The following RBFOX1 variants were observed in gnomAD, a reference collection of about 807,000 sequenced individuals.
The protein encoded by RBFOX1 is RNA binding fox-1 homolog 1, also known as RNA binding protein fox-1 homolog 1.
Under a neutral mutation model 57.7 loss-of-function variants are expected in RBFOX1, and 8 were observed. The ratio of observed to expected loss-of-function variants is 0.14; its 90% CI spans 0.08 to 0.25. The LOEUF (loss-of-function observed/expected upper bound fraction) is 0.25. RBFOX1 is among the 10% of genes least tolerant of loss of function. The pLI, the probability that RBFOX1 is intolerant of heterozygous loss-of-function variation, is 1.00. For synonymous variants in RBFOX1, 326 were observed against 222.4 expected (o/e 1.47, Z -4.15); for missense variants, 611 against 548.5 (o/e 1.11, Z -1.14).
At chr16:6,376,745 G>A (rs914468344) in intron 2 of RBFOX1, among the ~76,000 whole-genome samples, 10 of 152,192 alleles carry the variant, frequency 6.6e-5, no homozygotes, top group African/African-American at 2.2e-4. Flanking sequence ...CTACAGAAAT[G>A]TGTTTTCTTA....
chr16:7,179,631 C>T (rs1417915896), intron 4 of RBFOX1, among the ~76,000 whole-genome samples: 2 of 151,998 alleles, frequency 1.3e-5, no homozygotes, highest in Non-Finnish European at 2.9e-5. Flanking sequence ...AAGCTGACCA[C>T]ATAGGGGGAG....
chr16:5,784,281 G>C (rs1214976700), intron 3 of RBFOX1, among the ~76,000 whole-genome samples: 1 of 152,180 alleles, frequency 6.6e-6, no homozygotes, highest in African/African-American at 2.4e-5. Context: ...AACAAAATTA[G>C]CTGGGCGTGG....
intron 4 of RBFOX1, among the ~76,000 whole-genome samples, chr16:7,118,038 G>T (rs1195646461): frequency 6.6e-6 from 1 of 152,180 alleles, no homozygotes; most frequent in East Asian, 1.9e-4. Context: ...CATTAAGCAT[G>T]CACATGCAGG....
intron 2 of RBFOX1, among the ~76,000 whole-genome samples, chr16:5,484,150 A>C (rs11646618): frequency 0.35 from 52,994 of 152,104 alleles, 9,435 homozygotes; most frequent in Middle Eastern, 0.48. Flanking sequence ...CAGCCTGGGA[A>C]ACAGAGCAAG....
intron 1 of RBFOX1, among the ~76,000 whole-genome samples, chr16:6,181,290 C>T (rs1419548779): frequency 6.6e-6 from 1 of 152,212 alleles, no homozygotes. Context: ...GCCTACTCTA[C>T]CCAGGCAGAG....
In RBFOX1 at chr16:6,248,960, G is replaced by A. The variant is rs376099166; in HGVS notation, c.-126-68035G>A. Among the ~76,000 whole-genome samples, 5 of 152,252 alleles carry A rather than the reference G, an allele frequency of 3.3e-5. No individual in the cohort carries two copies. The East Asian group carries it at 5.8e-4, about 18-fold the overall frequency. ...TGCTTTCTATGTACGAGGTACTGAA[G>A]GAACAGTGGTGGATGAGACAGCCAC... On this transcript the variant is annotated intron_variant, in intron 1 of 15. Transcript: ENST00000550418.
intron 3 of RBFOX1, among the ~76,000 whole-genome samples, chr16:5,619,647 G>A (rs573368985): frequency 1.3e-5 from 2 of 152,286 alleles, no homozygotes; most frequent in East Asian, 3.9e-4. Context: ...ATTAGCAGGT[G>A]GCAAAGAGGG....
chr16:6,576,417 A>C (rs2097437319), intron 2 of RBFOX1, among the ~76,000 whole-genome samples: 1 of 152,316 alleles, frequency 6.6e-6, no homozygotes, highest in East Asian at 1.9e-4. Context: ...TAGTGGACCC[A>C]GTTGGGAATC....
At chr16:6,656,599 G>GACACACACACACACACACAC (rs60723864) in intron 3 of RBFOX1, among the ~76,000 whole-genome samples, 8 of 146,312 alleles carry the variant, frequency 5.5e-5, no homozygotes, top group African/African-American at 2.0e-4. Context: ...GGGGAAAATA[G>GACACACACACACACACACAC]ACACACACAC....
intron 3 of RBFOX1, among the ~76,000 whole-genome samples, chr16:6,670,999 C>G (rs2098761139): frequency 6.6e-6 from 1 of 151,718 alleles, no homozygotes; most frequent in African/African-American, 2.4e-5. Flanking sequence ...GACTCCATCT[C>G]AAAAAAACAA....
chr16:5,311,250 A>C (rs902781944), intron 1 of RBFOX1, among the ~76,000 whole-genome samples: 3 of 152,168 alleles, frequency 2.0e-5, no homozygotes, highest in African/African-American at 7.2e-5. Context: ...TATATCACAC[A>C]CATATACACA....
At chr16:7,190,278 G>C (rs2085047772) in intron 4 of RBFOX1, among the ~76,000 whole-genome samples, 1 of 152,176 alleles carries the variant, frequency 6.6e-6, no homozygotes. Flanking sequence ...AGAATCACTT[G>C]AACGCAGGAG....
At chr16:7,078,414 C>T (rs1053225054) in intron 4 of RBFOX1, among the ~76,000 whole-genome samples, 1 of 152,190 alleles carries the variant, frequency 6.6e-6, no homozygotes. Flanking sequence ...GTGGCACGAT[C>T]TTGGCTCACT....
intron 4 of RBFOX1, among the ~76,000 whole-genome samples, chr16:7,302,896 G>A (rs1176834346): frequency 1.3e-5 from 2 of 152,008 alleles, no homozygotes; most frequent in Non-Finnish European, 2.9e-5. Flanking sequence ...GGGGAGACCC[G>A]TTTGCAAGAG....
chr16:6,688,719 A>T (rs2059795384), intron 3 of RBFOX1, among the ~76,000 whole-genome samples: 1 of 152,126 alleles, frequency 6.6e-6, no homozygotes, highest in Non-Finnish European at 1.5e-5. Context: ...TACACATGCC[A>T]TGGTGGTTTG....
chr16:7,475,996 C>G (rs542640953), intron 4 of RBFOX1, among the ~76,000 whole-genome samples: 1 of 152,138 alleles, frequency 6.6e-6, no homozygotes, highest in African/African-American at 2.4e-5. Context: ...GACAGGGTCT[C>G]ACTCTGTCAC....
chr16:5,607,190 C>A (rs182937899), intron 3 of RBFOX1, among the ~76,000 whole-genome samples: 262 of 152,280 alleles, frequency 1.7e-3, no homozygotes, highest in African/African-American at 6.1e-3. Context: ...CCTTCTACAG[C>A]GTCTGCTCGG....
Position 6,859,130 on chromosome 16 carries a change from C to CGTATATATATACGT in RBFOX1, c.-15-192927_-15-192926insGTATATATATACGT, listed in dbSNP as rs1238966168. Among the ~76,000 whole-genome samples, 63 of 82,424 alleles carry CGTATATATATACGT rather than the reference C, an allele frequency of 7.6e-4. 2 individuals are homozygous for CGTATATATATACGT. Among genetic ancestry groups the CGTATATATATACGT allele is most frequent in the African/African-American group, 4.3e-3 (63 of 14,760 alleles). The allele number at this position is 82,424 out of a possible 152,430, so 54.1% of individuals were successfully genotyped here. On this transcript the variant is annotated intron_variant, in intron 3 of 15. Transcript: ENST00000550418. ...AAAAGTGTATATATATATATATATA[C>CGTATATATATACGT]ATATATATACGTATATATATATGTA... is the stretch of plus-strand genomic sequence containing the variant.
chr16:6,403,513 G>A (rs952047525), intron 2 of RBFOX1, among the ~76,000 whole-genome samples: 4 of 151,990 alleles, frequency 2.6e-5, no homozygotes, highest in Admixed American at 2.6e-4. Flanking sequence ...ACAGGCGAGT[G>A]CCACTACAGT....
Sources: allele counts gnomAD v4.1 joint callset (sites outside exome capture counted in the v4.1 genomes callset), GRCh38; gene constraint gnomAD v4.1.1; transcripts MANE v1.5; gene names NCBI Gene and HGNC (gene_info 2026-07-23, HGNC 2026-07-21).